RAD50: variants seen among roughly 807,000 people sequenced by gnomAD.
RAD50 encodes DNA repair protein RAD50.
RAD50 carries 132 observed loss-of-function variants against 168.8 expected under a neutral mutation model. That is an observed-to-expected ratio of 0.78 (90% CI 0.68 to 0.90). The LOEUF is 0.90. RAD50 is among the 40% of genes least tolerant of loss of function. The pLI, the probability that RAD50 is intolerant of heterozygous loss-of-function variation, is 0.00. For synonymous variants in RAD50, 525 were observed against 497.4 expected (o/e 1.06, Z -0.74); for missense variants, 1,347 against 1,534.4 (o/e 0.88, Z 2.04).
At chr5:132,575,579 G>T (rs528017894) in intron 2 of RAD50, among the ~76,000 whole-genome samples, 198 bp from the exon 3 acceptor site, 1 of 152,250 alleles carries the variant, frequency 6.6e-6, no homozygotes, top group African/African-American at 2.4e-5. Flanking sequence ...GAATAAAGGA[G>T]GTAGATAGTA....
At chr5:132,567,993 G>A (rs891920795) in intron 2 of RAD50, among the ~76,000 whole-genome samples, 1 of 152,142 alleles carries the variant, frequency 6.6e-6, no homozygotes, top group African/African-American at 2.4e-5. Flanking sequence ...CTATACCTGA[G>A]AAGGGAAAAG....
Position 132,587,559 on chromosome 5 carries a change from C to G in RAD50, c.757-3C>G. The G allele has an allele frequency of 6.2e-7, 1 of 1,612,150 alleles. No homozygotes were observed. Among genetic ancestry groups the G allele is most frequent in the Non-Finnish European group, 8.5e-7 (1 of 1,179,282 alleles). The stretch of plus-strand genomic sequence containing the variant: ...TATTTATGTAATGTTTCTTTATTTT[C>G]AGAATCGTCTAAAAGAAATTGAACA... On this transcript the variant is annotated splice_region_variant and splice_polypyrimidine_tract_variant and intron_variant, in intron 5 of 24. Coordinates refer to ENST00000378823, the MANE Select transcript of RAD50 (RefSeq NM_005732.4).
In RAD50 at chr5:132,587,846, G is replaced by C. The variant is rs1561639067; in HGVS notation, c.886-78G>C. 1.9e-6 allele frequency: 3 copies of C among 1,550,466 alleles called. No homozygotes were observed. In the South Asian group the frequency reaches 3.4e-5, roughly 18 times the overall value. On this transcript the variant is annotated intron_variant, in intron 6 of 24. Transcript: ENST00000378823. Reference sequence around the variant, plus strand: ...AAATGAAGGATATTGAATAAGGTTTGGTTTATATTTGATACCTCAAAGTGA... The same window carrying C: ...AAATGAAGGATATTGAATAAGGTTTCGTTTATATTTGATACCTCAAAGTGA...
At chr5:132,588,905 T>G in intron 8 of RAD50, 25 bp downstream of exon 8, 1 of 1,587,174 alleles carries the variant, frequency 6.3e-7, no homozygotes, top group Non-Finnish European at 8.6e-7. Flanking sequence ...ATACAGTATT[T>G]GTTATTTTGT....
At position 132,581,338 on chromosome 5, in the gene RAD50, G is replaced by A. The variant is rs534574813; in HGVS notation, c.756+1272G>A. Among the ~76,000 whole-genome samples, 24 of 152,052 alleles carry A rather than the reference G, an allele frequency of 1.6e-4. No homozygotes were observed. In the East Asian group the frequency reaches 2.1e-3, roughly 13 times the overall value. ...TTTCTCCATGTTGGTCAGGCTGGTC[G>A]CGAACTCCCGACCTCAAGTGATCTG... On this transcript the variant is annotated intron_variant, in intron 5 of 24. Transcript: ENST00000378823.
At chr5:132,559,214 GA>G in intron 1 of RAD50, 69 bp from the exon 2 acceptor site, 1 of 1,370,182 alleles carries the variant, frequency 7.3e-7, no homozygotes, top group East Asian at 2.4e-5. Context: ...TTTTTGTAAT[GA>G]ATTCATATTT....
At chr5:132,637,242 T>C in intron 22 of RAD50, 42 bp downstream of exon 22, 1 of 1,587,176 alleles carries the variant, frequency 6.3e-7, no homozygotes, top group Non-Finnish European at 8.6e-7. Context: ...TCCAAAGCCC[T>C]CTCCGCAGCT....
rs1060501964 is a variant in RAD50 at position 132,559,326 on chromosome 5, C to T, written c.172C>T (p.Pro58Ser). Reference protein sequence around the residue: ...CLKYICTGDFPPGTKGNTFVH... With the variant: ...CLKYICTGDFSPGTKGNTFVH... The stretch of plus-strand genomic sequence containing the variant: ...AAAATATATTTGTACTGGAGATTTC[C>T]CTCCTGGAACCAAAGGAAATACATT... The change falls in exon 2 of 25, where the codon CCT becomes TCT. Residue 58 changes from proline to serine, a missense_variant. Around this residue, in one of 3 missense-constraint regions of RAD50, gnomAD observed 703 missense variants for 767.7 expected, o/e 0.92. Coordinates refer to ENST00000378823, the MANE Select transcript of RAD50 (RefSeq NM_005732.4). The T allele has an allele frequency of 1.9e-6, 3 of 1,607,638 alleles. No homozygotes were observed. The highest frequency in any genetic ancestry group is 2.2e-5 in the East Asian group (1 of 44,650).
intron 5 of RAD50, among the ~76,000 whole-genome samples, chr5:132,580,425 G>C (rs535738581): frequency 1.8e-4 from 27 of 152,236 alleles, no homozygotes; most frequent in African/African-American, 6.0e-4. Flanking sequence ...TGCTGAAAGA[G>C]CTTGGATTTG....
At chr5:132,590,199 G>T (rs142906053) in intron 9 of RAD50, among the ~76,000 whole-genome samples, 6,206 of 152,290 alleles carry the variant, frequency 0.041, 358 homozygotes, top group African/African-American at 0.13. Context: ...GCCGGGTGCG[G>T]TGTCTCACAC....
At chr5:132,618,047 T>C (rs754615811) in intron 20 of RAD50, 23 bp from the exon 21 acceptor site, 3 of 1,595,934 alleles carry the variant, frequency 1.9e-6, no homozygotes, top group Non-Finnish European at 2.6e-6. Flanking sequence ...ATGGTCCTCA[T>C]TTGTCATTTT....
chr5:132,561,952 C>G (rs1013666511), intron 2 of RAD50, among the ~76,000 whole-genome samples: 9 of 152,190 alleles, frequency 5.9e-5, no homozygotes, highest in South Asian at 2.1e-4. Context: ...GAATCGTCTC[C>G]TAACTTATTT....
In RAD50 at chr5:132,640,576, C is replaced by T. The variant is rs1374100119; in HGVS notation, c.3619-96C>T. ...CTAACAGTGAACCTGTGACGTTTCCCACTTTTCCCTGCTGAAAAGATCATG... is the reference window on the plus strand; with the variant it reads ...CTAACAGTGAACCTGTGACGTTTCCTACTTTTCCCTGCTGAAAAGATCATG... On this transcript the variant is annotated intron_variant, in intron 23 of 24. Transcript: ENST00000378823. The T allele has an allele frequency of 2.6e-6, 4 of 1,553,796 alleles. No individual in the cohort carries two copies. In the Admixed American group the frequency reaches 5.0e-5, roughly 19 times the overall value.
At chr5:132,601,043 A>G (rs1750879004) in intron 13 of RAD50, among the ~76,000 whole-genome samples, 1 of 152,202 alleles carries the variant, frequency 6.6e-6, no homozygotes, top group Non-Finnish European at 1.5e-5. Context: ...AAACAAACCC[A>G]GAGAGTGCAG....
chr5:132,632,581 CTACTT>C (rs1278339815), intron 21 of RAD50, among the ~76,000 whole-genome samples: 2 of 152,034 alleles, frequency 1.3e-5, no homozygotes, highest in Non-Finnish European at 2.9e-5. Context: ...TGCATGATAT[CTACTT>C]TATTTAACCA....
rs549284747 is a variant in RAD50, at chr5:132,559,010, A to G, written c.130-274A>G. Among the ~76,000 whole-genome samples the G allele has an allele frequency of 9.2e-5, 14 of 152,356 alleles. No homozygotes were observed. In the East Asian group the frequency reaches 2.7e-3, roughly 29 times the overall value. On this transcript the variant is annotated intron_variant, in intron 1 of 24. Coordinates refer to ENST00000378823, the MANE Select transcript of RAD50 (RefSeq NM_005732.4). The stretch of plus-strand genomic sequence containing the variant: ...TACTTAACTGTTAGCCATTCTTATT[A>G]TTAACTTAAATTAGTTTAAAGGGTT...
rs876660699 is a variant in RAD50, at chr5:132,604,818, T to C, written c.2537T>C (p.Ile846Thr). The change falls in exon 16 of 25, where the codon ATT becomes ACT. Residue 846 changes from isoleucine to threonine, a missense_variant. This residue lies in a region of RAD50 where 635 missense variants were observed against 739.2 expected (regional missense o/e 0.86). Transcript: ENST00000378823. ...TGTTTTTGTGTAGTTTCTAGTAAGA[T>C]TGAATTGAATCGTAAGCTTATACAG... ...QHKLDTVSSKIELNRKLIQDQ... is the reference protein window; with the variant it reads ...QHKLDTVSSKTELNRKLIQDQ... 1.2e-6 allele frequency: 2 copies of C among 1,610,292 alleles called. No individual in the cohort carries two copies. Among genetic ancestry groups the C allele is most frequent in the Non-Finnish European group, 1.7e-6 (2 of 1,176,796 alleles).
Position 132,588,986 on chromosome 5 carries a change from G to C in RAD50, c.1245+106G>C, listed in dbSNP as rs924362557. The C allele has an allele frequency of 3.2e-6, 4 of 1,235,614 alleles. No homozygotes were observed. The African/African-American group carries it at 4.5e-5, about 14-fold the overall frequency. 76.5% of individuals were successfully genotyped at this position (1,235,614 alleles called of 1,614,324 possible). A position where few individuals can be genotyped will look rare whatever the true frequency, so the allele number is the denominator to read the frequency against. ...TCCATTTTGGCATATTTTTCTATTA[G>C]TGTTAGGATAAAATCTGCTACAAGG... On this transcript the variant is annotated intron_variant, in intron 8 of 24. Transcript: ENST00000378823.
At chr5:132,585,371 G>A (rs192347692) in intron 5 of RAD50, among the ~76,000 whole-genome samples, 2 of 152,176 alleles carry the variant, frequency 1.3e-5, no homozygotes, top group African/African-American at 2.4e-5. Flanking sequence ...ATAACAGTAG[G>A]GGTGTGGTAG....
Sources: allele counts gnomAD v4.1 joint callset (sites outside exome capture counted in the v4.1 genomes callset), GRCh38; gene constraint gnomAD v4.1.1; regional missense constraint gnomAD v4.1.1; transcripts MANE v1.5; gene names NCBI Gene and HGNC (gene_info 2026-07-23, HGNC 2026-07-21).